The following RGS8 variants were observed in gnomAD, a reference collection of about 807,000 sequenced individuals.
The protein encoded by RGS8 is regulator of G protein signaling 8.
A neutral mutation model predicts 21.7 loss-of-function variants in RGS8; 8 were observed. The observed-to-expected ratio is 0.37, with a 90% CI of 0.22 to 0.66. RGS8 has a LOEUF of 0.66. Among genes scored for constraint, RGS8 ranks in the 30% least tolerant of loss-of-function variants. The pLI, the probability that RGS8 is intolerant of heterozygous loss-of-function variation, is 0.59. For missense variants in RGS8, 157 were observed against 217.9 expected, an observed-to-expected ratio of 0.72 and a Z score of 1.76; for synonymous variants, 80 against 83.6, an observed-to-expected ratio of 0.96 and a Z score of 0.24.
At chr1:182,728,048 C>A in the RGS8 span, among the ~76,000 whole-genome samples, 5 of 152,158 alleles carry the variant, frequency 3.3e-5, no homozygotes, top group African/African-American at 1.2e-4. Context: ...ATCCAAATAG[C>A]ACAATATGTT....
the RGS8 span, chr1:182,712,872 C>A: frequency 1.3e-5 from 2 of 152,176 alleles, no homozygotes; most frequent in African/African-American, 4.8e-5. Flanking sequence ...CCTCAAAGGA[C>A]TCATGGTGAC....
At chr1:182,659,348 C>G (rs1485424659) in intron 5 of RGS8, among the ~76,000 whole-genome samples, 2 of 152,092 alleles carry the variant, frequency 1.3e-5, no homozygotes, top group Non-Finnish European at 2.9e-5. Flanking sequence ...AAGAAGTGTC[C>G]CCCTAACAGG....
At chr1:182,742,557 C>T in the RGS8 span, among the ~76,000 whole-genome samples, 2 of 152,244 alleles carry the variant, frequency 1.3e-5, no homozygotes, top group African/African-American at 4.8e-5. Context: ...GCCAACACAG[C>T]GAATCCCCGT....
chr1:182,653,381 A>ATT (rs796993544), intron 5 of RGS8, among the ~76,000 whole-genome samples: 6 of 144,152 alleles, frequency 4.2e-5, no homozygotes, highest in East Asian at 2.0e-4. Context: ...GAGGAAAGAG[A>ATT]TTTTTTTTTT....
At chr1:182,652,961 T>C (rs1383378245) in intron 5 of RGS8, among the ~76,000 whole-genome samples, 1 of 152,140 alleles carries the variant, frequency 6.6e-6, no homozygotes, top group East Asian at 1.9e-4. Context: ...ACTTGAGTAA[T>C]TGGAAGTAGT....
exon 7 of RGS8, chr1:182,646,468 A>G: frequency 2.4e-6 from 1 of 421,884 alleles, no homozygotes; most frequent in Non-Finnish European, 4.2e-6. Flanking sequence ...CCAAGGCATT[A>G]TATGAAGGGC....
the RGS8 span, among the ~76,000 whole-genome samples, chr1:182,694,397 T>C: frequency 6.6e-6 from 1 of 152,362 alleles, no homozygotes; most frequent in Admixed American, 6.5e-5. Context: ...CACTGTGGCC[T>C]TGCTTTCTGT....
At chr1:182,646,635 G>T in exon 7 of RGS8, 5 of 1,090,870 alleles carry the variant, frequency 4.6e-6, no homozygotes, top group Non-Finnish European at 6.6e-6. Flanking sequence ...CACCCCCAAT[G>T]CCACCGCTTT....
At chr1:182,687,458 A>T (rs191211032), upstream of RGS8, among the ~76,000 whole-genome samples, 1 of 152,358 alleles carries the variant, frequency 6.6e-6, no homozygotes, top group African/African-American at 2.4e-5. Flanking sequence ...CACAGAAAAT[A>T]ATTTTTGTAT....
the RGS8 span, among the ~76,000 whole-genome samples, chr1:182,748,678 A>T: frequency 4.2e-3 from 645 of 152,314 alleles, 5 homozygotes; most frequent in African/African-American, 0.015. Flanking sequence ...AGGAAACTTC[A>T]TACTGTTTTT....
chr1:182,665,874 T>C (rs1663831900), intron 5 of RGS8, 95 bp downstream of exon 6: 1 of 1,065,462 alleles, frequency 9.4e-7, no homozygotes, highest in South Asian at 1.3e-5. Flanking sequence ...CTGGAACACC[T>C]AGTACATACC....
At chr1:182,736,391 T>A in the RGS8 span, among the ~76,000 whole-genome samples, 6 of 152,378 alleles carry the variant, frequency 3.9e-5, no homozygotes, top group Admixed American at 2.0e-4. Flanking sequence ...AGATTTTTTT[T>A]ATCTTTATTT....
At chr1:182,657,386 T>C (rs1391879465) in intron 5 of RGS8, among the ~76,000 whole-genome samples, 1 of 152,144 alleles carries the variant, frequency 6.6e-6, no homozygotes, top group Non-Finnish European at 1.5e-5. Context: ...CTGTAGTTGG[T>C]TCCAAATACA....
At chr1:182,750,522 T>C in the RGS8 span, among the ~76,000 whole-genome samples, 1 of 152,222 alleles carries the variant, frequency 6.6e-6, no homozygotes, top group African/African-American at 2.4e-5. Flanking sequence ...TACAATTCTG[T>C]CACAAAAGGT....
chr1:182,649,847 G>A (rs187626559), intron 5 of RGS8, among the ~76,000 whole-genome samples: 4 of 151,772 alleles, frequency 2.6e-5, no homozygotes, highest in East Asian at 1.9e-4. Flanking sequence ...AAAAGACCCC[G>A]GCAATAATCT....
At chr1:182,736,808 C>A in the RGS8 span, among the ~76,000 whole-genome samples, 3 of 152,214 alleles carry the variant, frequency 2.0e-5, no homozygotes, top group South Asian at 4.1e-4. Context: ...CACTCTTTCC[C>A]GCTCTGCTCT....
At chr1:182,752,228 G>T in the RGS8 span, among the ~76,000 whole-genome samples, 3 of 152,204 alleles carry the variant, frequency 2.0e-5, no homozygotes, top group Admixed American at 6.5e-5. Flanking sequence ...TGAGCCAGCT[G>T]ACAGAACATT....
the RGS8 span, among the ~76,000 whole-genome samples, chr1:182,720,530 A>G: frequency 6.6e-6 from 1 of 152,128 alleles, no homozygotes; most frequent in African/African-American, 2.4e-5. Flanking sequence ...ATAAATTCCA[A>G]GTTCTTCAAT....
chr1:182,712,502 C>T, the RGS8 span, among the ~76,000 whole-genome samples: 5 of 152,170 alleles, frequency 3.3e-5, no homozygotes, highest in African/African-American at 1.2e-4. Context: ...ATGTCACCCA[C>T]GGCCAGAACA....
Sources: allele counts gnomAD v4.1 joint callset (sites outside exome capture counted in the v4.1 genomes callset), GRCh38; gene constraint gnomAD v4.1.1; transcripts MANE v1.5; gene names NCBI Gene and HGNC (gene_info 2026-07-23, HGNC 2026-07-21).